Variants in DNAH7 observed in about 807,000 individuals in gnomAD.
DNAH7 encodes dynein axonemal heavy chain 7.
In DNAH7, 397 loss-of-function variants were observed where a neutral mutation model predicts 444.6. The ratio of observed to expected loss-of-function variants is 0.89; its 90% CI spans 0.82 to 0.97. DNAH7 has a LOEUF of 0.97. DNAH7 is among the 50% of genes least tolerant of loss of function. DNAH7 has a pLI of 0.00. For missense variants in DNAH7, 4,902 were observed against 4,800.8 expected (o/e 1.02, Z -0.62); for synonymous variants, 1,636 against 1,624.4 (o/e 1.01, Z -0.17).
rs566705758 is a variant in DNAH7, at chr2:195,875,770, C to A, written c.6191G>T (p.Arg2064Ile). The A allele has an allele frequency of 5.0e-6, 8 of 1,613,792 alleles. No homozygotes were observed. The South Asian group carries it at 8.8e-5, about 18-fold the overall frequency. Residue 2064 changes from arginine to isoleucine, a missense_variant, in exon 38 of 65, where the codon AGA (arginine) becomes ATA (isoleucine). Arg to Ile is a moderately conservative substitution (Grantham distance 97). Coordinates refer to ENST00000312428, the MANE Select transcript of DNAH7 (RefSeq NM_018897.3). ...CCAGTTCCAGTGGTCTAACCACTGT[C>A]TAAGTAACTCAATGGGAGGTTGAGC... ...YGAQPPIELL[R>I]QWLDHWNWYD...
intron 29 of DNAH7, 62 bp downstream of exon 29, chr2:195,897,605 A>G: frequency 3.2e-6 from 3 of 943,790 alleles, no homozygotes; most frequent in Non-Finnish European, 5.0e-6. Flanking sequence ...TCACAACCTT[A>G]GACATGTGAT....
intron 53 of DNAH7, among the ~76,000 whole-genome samples, chr2:195,807,468 C>T (rs1467829230): frequency 6.6e-6 from 1 of 152,162 alleles, no homozygotes; most frequent in Non-Finnish European, 1.5e-5. Flanking sequence ...GGAACAAAAA[C>T]ATTTTTAAAA....
intron 41 of DNAH7, among the ~76,000 whole-genome samples, chr2:195,863,839 A>G (rs1466204962): frequency 6.6e-6 from 1 of 152,064 alleles, no homozygotes; most frequent in Non-Finnish European, 1.5e-5. Flanking sequence ...CCCTCTGTGA[A>G]CAGTTCCTTC....
chr2:195,873,239 C>T lies in DNAH7; in HGVS notation c.6413+329G>A, dbSNP rs11885002. ...AGGCATTACTTCTCAGACTTGGACA[C>T]GAATACCCCTGCAGAACTCAAGTTC... On this transcript the variant is annotated intron_variant, in intron 39 of 64. Coordinates refer to ENST00000312428, the MANE Select transcript of DNAH7 (RefSeq NM_018897.3). Among the ~76,000 whole-genome samples the T allele has an allele frequency of 2.3e-3, 352 of 152,294 alleles. 2 individuals are homozygous for T. The highest frequency in any genetic ancestry group is 7.9e-3 in the African/African-American group (328 of 41,558).
chr2:195,851,918 A>G (rs1482172819), intron 46 of DNAH7, among the ~76,000 whole-genome samples: 1 of 152,174 alleles, frequency 6.6e-6, no homozygotes, highest in Non-Finnish European at 1.5e-5. Flanking sequence ...ACTGAGTGCT[A>G]AAGACAGAAG....
intron 14 of DNAH7, among the ~76,000 whole-genome samples, chr2:195,986,138 C>A (rs7600332): frequency 4.8e-4 from 73 of 152,120 alleles, no homozygotes; most frequent in Non-Finnish European, 7.2e-4. Context: ...TCTCCCCTCT[C>A]CCCCAAACTC....
At chr2:195,743,976 G>A (rs910810090) in intron 63 of DNAH7, among the ~76,000 whole-genome samples, 33 of 152,314 alleles carry the variant, frequency 2.2e-4, no homozygotes, top group Admixed American at 1.1e-3. Flanking sequence ...CTGAGGTACC[G>A]GGCTCATCTC....
intron 46 of DNAH7, among the ~76,000 whole-genome samples, chr2:195,850,279 G>A (rs10497770): frequency 0.13 from 18,056 of 142,306 alleles, 1,442 homozygotes; most frequent in Middle Eastern, 0.27. Flanking sequence ...GCTGGCATAA[G>A]GTCATGAAAA....
intron 57 of DNAH7, among the ~76,000 whole-genome samples, chr2:195,788,794 G>A (rs1013269595): frequency 3.3e-5 from 5 of 152,162 alleles, no homozygotes; most frequent in Admixed American, 1.3e-4. Context: ...GGAGGTATTA[G>A]TATGAATTCA....
chr2:195,905,589 T>C (rs975429169), intron 27 of DNAH7: 2 of 152,148 alleles, frequency 1.3e-5, no homozygotes, highest in African/African-American at 4.8e-5. Flanking sequence ...TGGTTTTGGA[T>C]CCACAATTAC....
At position 195,776,104 on chromosome 2, in the gene DNAH7, A is replaced by C. The variant is rs1695046088; in HGVS notation, c.11065-121T>G. ...TGACTGGATAGGCCTGTGACACTGG[A>C]CATTGAGTGCTTTCACTTTCTTTCA... On this transcript the variant is annotated intron_variant, in intron 59 of 64. Transcript: ENST00000312428. 5 of 1,223,960 alleles carry C rather than the reference A, an allele frequency of 4.1e-6. No homozygotes were observed. The Admixed American group carries it at 1.3e-4, about 32-fold the overall frequency. 75.8% of individuals were successfully genotyped at this position (1,223,960 alleles called of 1,614,324 possible).
chr2:195,897,948 T>G lies in DNAH7; in HGVS notation c.4549-183A>C, dbSNP rs189976840. Among the ~76,000 whole-genome samples, 317 of 152,332 alleles carry G rather than the reference T, an allele frequency of 2.1e-3. 1 individual carries two copies. Among genetic ancestry groups the G allele is most frequent in the African/African-American group, 7.1e-3 (297 of 41,572 alleles). On this transcript the variant is annotated intron_variant, in intron 28 of 64. Transcript: ENST00000312428. ...CTGACATTTAAACTTGTTGTGTTTT[T>G]TTTTACTAGTTTATAATAAAAATAC... is the stretch of plus-strand genomic sequence containing the variant.
intron 57 of DNAH7, 52 bp downstream of exon 57, chr2:195,794,286 C>T (rs113922110): frequency 2.3e-4 from 355 of 1,564,528 alleles, no homozygotes; most frequent in Non-Finnish European, 3.0e-4. Context: ...TCACCAGGGG[C>T]CACTTGAAGT....
chr2:195,946,390 A>T (rs1443696588), intron 19 of DNAH7, among the ~76,000 whole-genome samples: 1 of 152,156 alleles, frequency 6.6e-6, no homozygotes, highest in Non-Finnish European at 1.5e-5. Flanking sequence ...GATGTAGCCA[A>T]ATCTCCCAGA....
At chr2:195,758,395 T>C (rs1168850163) in intron 61 of DNAH7, among the ~76,000 whole-genome samples, 1 of 152,200 alleles carries the variant, frequency 6.6e-6, no homozygotes, top group African/African-American at 2.4e-5. Flanking sequence ...TGGTAACATA[T>C]GTTTTCCCAA....
chr2:195,987,270 A>G (rs1692981846), intron 13 of DNAH7, 77 bp from the exon 14 acceptor site: 1 of 1,155,086 alleles, frequency 8.7e-7, no homozygotes, highest in Non-Finnish European at 1.2e-6. Flanking sequence ...CATTCTCATA[A>G]TTTTTATTTT....
intron 63 of DNAH7, among the ~76,000 whole-genome samples, chr2:195,753,911 G>A (rs959816778): frequency 2.0e-5 from 3 of 152,040 alleles, no homozygotes; most frequent in African/African-American, 7.2e-5. Context: ...ATGCTTCAAG[G>A]GACCAGGAAA....
chr2:195,957,352 G>C lies in DNAH7; in HGVS notation c.2987C>G (p.Ser996Cys), dbSNP rs1389822305. The C allele has an allele frequency of 2.5e-6, 4 of 1,608,142 alleles. No individual in the cohort carries two copies. The South Asian group carries it at 4.4e-5, about 18-fold the overall frequency. Residue 996 changes from serine (S) to cysteine (C), a missense_variant, in exon 19 of 65, where the codon TCT becomes TGT. By Grantham distance (112) the Ser-to-Cys change is moderately radical. Transcript: ENST00000312428. ...AGGCATTTGAGACATAATGTCTGGA[G>C]AGCTGAAAATGGGCTCCAGATACAG... ...TWLYLEPIFS[S>C]PDIMSQMPEE...
intron 7 of DNAH7, among the ~76,000 whole-genome samples, chr2:196,025,954 C>T (rs993722186): frequency 6.6e-6 from 1 of 152,104 alleles, no homozygotes; most frequent in East Asian, 1.9e-4. Context: ...GATTCCAAGG[C>T]CCTGACTCCA....
Sources: allele counts gnomAD v4.1 joint callset (sites outside exome capture counted in the v4.1 genomes callset), GRCh38; gene constraint gnomAD v4.1.1; transcripts MANE v1.5; gene names NCBI Gene and HGNC (gene_info 2026-07-23, HGNC 2026-07-21).